The following BICD1 variants were observed in gnomAD, a reference collection of about 807,000 sequenced individuals.
BICD1 encodes the protein protein bicaudal D homolog 1.
BICD1 carries 35 observed loss-of-function variants against 92.5 expected under a neutral mutation model. The observed-to-expected ratio is 0.38, with a 90% CI of 0.29 to 0.50. The LOEUF (loss-of-function observed/expected upper bound fraction) is 0.50. Ranked by LOEUF, BICD1 falls within the 20% of genes least tolerant of loss-of-function variation. BICD1 has a pLI of 0.93. For missense variants in BICD1, 950 were observed against 1,189.8 expected, an observed-to-expected ratio of 0.80 and a Z score of 2.97; for synonymous variants, 429 against 465.1, an observed-to-expected ratio of 0.92 and a Z score of 1.00.
Position 32,194,798 on chromosome 12 carries a change from G to A in BICD1, c.214-21449G>A, listed in dbSNP as rs140135855. On this transcript the variant is annotated intron_variant, in intron 1 of 9. Transcript: ENST00000652176. ...CTCAGGAGGCTGAGGTAGGAGAATC[G>A]CTTGAACCGGGAGGTGGACGTTGCG... Among the ~76,000 whole-genome samples the A allele has an allele frequency of 5.9e-3, 900 of 152,200 alleles. 11 individuals carry two copies. The highest frequency in any genetic ancestry group is 0.021 in the African/African-American group (856 of 41,552).
intron 1 of BICD1, among the ~76,000 whole-genome samples, chr12:32,198,322 GC>G (rs56357946): frequency 0.32 from 14,462 of 45,712 alleles, 1,283 homozygotes; most frequent in African/African-American, 0.4. Context: ...GGAATAATAT[GC>G]ATCTATCTAT....
intron 1 of BICD1, among the ~76,000 whole-genome samples, chr12:32,175,985 G>A (rs1188427745): frequency 6.6e-6 from 1 of 152,176 alleles, no homozygotes; most frequent in African/African-American, 2.4e-5. Context: ...GGTACCATAT[G>A]TGAACTTTTG....
At chr12:32,151,952 G>T (rs1360216133) in intron 1 of BICD1, among the ~76,000 whole-genome samples, 1 of 151,850 alleles carries the variant, frequency 6.6e-6, no homozygotes, top group East Asian at 1.9e-4. Context: ...TTTTGTTGTT[G>T]TTGTTTTTTG....
intron 2 of BICD1, among the ~76,000 whole-genome samples, chr12:32,244,344 C>T (rs1274448112): frequency 6.6e-6 from 1 of 152,114 alleles, no homozygotes; most frequent in Non-Finnish European, 1.5e-5. Context: ...AAGCTGACCC[C>T]TACATCCAAT....
intron 2 of BICD1, among the ~76,000 whole-genome samples, chr12:32,235,705 T>TA (rs1288413658): frequency 1.3e-5 from 2 of 149,964 alleles, no homozygotes; most frequent in African/African-American, 4.9e-5. Context: ...TTCTTTTCTT[T>TA]TTTTTTTTTT....
intron 6 of BICD1, 74 bp downstream of exon 6, chr12:32,334,741 G>A: frequency 2.0e-6 from 3 of 1,505,908 alleles, no homozygotes; most frequent in South Asian, 2.6e-5. Context: ...CCCTGCCTTT[G>A]TGCATGTTGA....
intron 3 of BICD1, among the ~76,000 whole-genome samples, chr12:32,296,459 G>A (rs377644055): frequency 3.3e-5 from 5 of 151,604 alleles, no homozygotes; most frequent in East Asian, 1.9e-4. Flanking sequence ...GGGTTTCAAC[G>A]TGTTAGCCAG....
chr12:32,319,555 G>A (rs924655011), intron 4 of BICD1, among the ~76,000 whole-genome samples: 2 of 151,804 alleles, frequency 1.3e-5, no homozygotes, highest in African/African-American at 4.8e-5. Context: ...TCTCTGGGAG[G>A]GAGAGGTCGT....
chr12:32,216,155 C>T (rs1364747069), intron 1 of BICD1, 92 bp from the exon 2 acceptor site: 1 of 1,328,098 alleles, frequency 7.5e-7, no homozygotes, highest in Non-Finnish European at 1.0e-6. Context: ...TTTTCTTACA[C>T]ATATAAGCAG....
intron 1 of BICD1, among the ~76,000 whole-genome samples, chr12:32,203,285 G>A (rs1944957634): frequency 6.6e-6 from 1 of 152,138 alleles, no homozygotes; most frequent in African/African-American, 2.4e-5. Context: ...CTTGGAGGAG[G>A]GAAGGATTTA....
chr12:32,268,839 A>C (rs940918718), intron 2 of BICD1, among the ~76,000 whole-genome samples: 2 of 152,172 alleles, frequency 1.3e-5, no homozygotes, highest in African/African-American at 4.8e-5. Context: ...ATTGACAAAA[A>C]GTTAATAATT....
intron 1 of BICD1, among the ~76,000 whole-genome samples, chr12:32,154,542 A>G (rs1943383016): frequency 6.6e-6 from 1 of 152,194 alleles, no homozygotes; most frequent in Non-Finnish European, 1.5e-5. Context: ...GTGTCTCCTT[A>G]TCTGTCACAT....
chr12:32,171,940 TACACACACACACACACACACACAC>T (rs61038844), intron 1 of BICD1, among the ~76,000 whole-genome samples: 9 of 140,992 alleles, frequency 6.4e-5, no homozygotes, highest in Non-Finnish European at 1.4e-4. Context: ...TCTCAAAAAA[TACACACACACACACACACACACAC>T]ACACACACAC....
rs984671151 is a variant in BICD1 at position 32,306,127 on chromosome 12, G to A, written c.1005+5G>A. 1.3e-6 allele frequency: 2 copies of A among 1,576,734 alleles called. No individual in the cohort carries two copies. The highest frequency in any genetic ancestry group is 1.7e-6 in the Non-Finnish European group (2 of 1,165,072). Reference sequence around the variant, plus strand: ...TTGAAGCAGCAGCTTATGCAGGTAAGAACTTTGTTTAGGGCCGCTAGAGTG... The same window carrying A: ...TTGAAGCAGCAGCTTATGCAGGTAAAAACTTTGTTTAGGGCCGCTAGAGTG... On this transcript the variant is annotated splice_donor_5th_base_variant and intron_variant, in intron 4 of 9. Coordinates refer to ENST00000652176, the MANE Select transcript of BICD1 (RefSeq NM_001714.4).
intron 2 of BICD1, among the ~76,000 whole-genome samples, chr12:32,241,263 CAAA>C (rs1208908958): frequency 6.6e-6 from 1 of 152,190 alleles, no homozygotes; most frequent in African/African-American, 2.4e-5. Flanking sequence ...CTACTCTGTG[CAAA>C]CGCTTTGCAA....
intron 8 of BICD1, among the ~76,000 whole-genome samples, chr12:32,345,297 A>G (rs1166098021): frequency 6.6e-6 from 1 of 151,844 alleles, no homozygotes; most frequent in Non-Finnish European, 1.5e-5. Context: ...AAAAAGAAGA[A>G]AAAATATATT....
chr12:32,317,704 G>A (rs10844181), intron 4 of BICD1, among the ~76,000 whole-genome samples: 12 of 151,880 alleles, frequency 7.9e-5, no homozygotes, highest in Non-Finnish European at 4.4e-5. Context: ...GTGCAGAAGC[G>A]CTTTAGTTTA....
chr12:32,296,318 C>T (rs754608748), intron 3 of BICD1, among the ~76,000 whole-genome samples: 1 of 135,634 alleles, frequency 7.4e-6, no homozygotes, highest in African/African-American at 2.8e-5. Context: ...AGTGCAGTGG[C>T]GCGATCTTGG....
In BICD1 at chr12:32,327,878, G is replaced by A. The variant is rs781192681; in HGVS notation, c.1423G>A (p.Glu475Lys). Residue 475 changes from glutamate to lysine, a missense_variant, in exon 5 of 10, where the codon GAG becomes AAG. Glu to Lys is a moderately conservative substitution (Grantham distance 56). This residue lies in a region of BICD1 where 309 missense variants were observed against 499.4 expected (regional missense o/e 0.62). Transcript: ENST00000652176. ...QVTSLEKTTK[E>K]SGEKMAHMEK... Reference sequence around the variant, plus strand: ...GACAAGCCTTGAGAAGACCACCAAGGAGAGTGGTGAGAAGATGGCCCACAT... The same window carrying A: ...GACAAGCCTTGAGAAGACCACCAAGAAGAGTGGTGAGAAGATGGCCCACAT... 2 of 1,614,172 alleles carry A rather than the reference G, an allele frequency of 1.2e-6. No homozygotes were observed. The highest frequency in any genetic ancestry group is 2.2e-5 in the South Asian group (2 of 91,078).
Sources: allele counts gnomAD v4.1 joint callset (sites outside exome capture counted in the v4.1 genomes callset), GRCh38; gene constraint gnomAD v4.1.1; regional missense constraint gnomAD v4.1.1; transcripts MANE v1.5; gene names NCBI Gene and HGNC (gene_info 2026-07-23, HGNC 2026-07-21).